Variants in AIG1 observed in about 807,000 individuals in gnomAD.
AIG1 encodes the protein androgen-induced gene 1 protein.
In AIG1, 23 loss-of-function variants were observed where a neutral mutation model predicts 31.4. That is an observed-to-expected ratio of 0.73 (90% CI 0.53 to 1.04). The LOEUF (loss-of-function observed/expected upper bound fraction) is 1.04, where lower values mean the gene tolerates loss of function less well. AIG1 is among the 50% of genes least tolerant of loss of function. The probability of loss-of-function intolerance (pLI) is 0.00; values close to 1 mark genes in which losing one functional copy is unlikely to be tolerated. For synonymous variants in AIG1, 100 were observed against 110.5 expected (o/e 0.90, Z 0.60); for missense variants, 274 against 295.0 (o/e 0.93, Z 0.52).
intron 1 of AIG1, among the ~76,000 whole-genome samples, chr6:143,109,568 G>A (rs942951763): frequency 2.6e-5 from 4 of 151,892 alleles, no homozygotes; most frequent in African/African-American, 7.3e-5. Context: ...TTTAATTTTA[G>A]CTATTCTATT....
intron 2 of AIG1, among the ~76,000 whole-genome samples, chr6:143,149,532 C>CAAAAAAAAAAA (rs71767812): frequency 4.8e-3 from 190 of 39,536 alleles, no homozygotes; most frequent in Non-Finnish European, 7.1e-3. Flanking sequence ...GACTCTGTCT[C>CAAAAAAAAAAA]AAAAAAAAAA....
At chr6:143,190,057 C>A in intron 3 of AIG1, 1 of 567,254 alleles carries the variant, frequency 1.8e-6, no homozygotes, top group Non-Finnish European at 2.2e-6. Context: ...GCCCACCAAT[C>A]CCATTCATTG....
At chr6:143,190,288 GA>G in intron 3 of AIG1, 2 of 985,468 alleles carry the variant, frequency 2.0e-6, no homozygotes, top group Non-Finnish European at 2.4e-6. Context: ...TAGGAGTCGA[GA>G]AACAGAATAA....
chr6:143,111,798 G>A (rs1206655316), intron 1 of AIG1, among the ~76,000 whole-genome samples: 1 of 151,996 alleles, frequency 6.6e-6, no homozygotes, highest in African/African-American at 2.4e-5. Flanking sequence ...TCTCTTTTTT[G>A]TTTCCCCATG....
intron 3 of AIG1, among the ~76,000 whole-genome samples, chr6:143,203,076 T>A (rs1790833367): frequency 6.6e-6 from 1 of 152,174 alleles, no homozygotes; most frequent in African/African-American, 2.4e-5. Flanking sequence ...GATGCCATGA[T>A]ACATATGGGC....
chr6:143,186,837 T>C (rs1054754895), intron 3 of AIG1: 1 of 154,378 alleles, frequency 6.5e-6, no homozygotes, highest in African/African-American at 2.4e-5. Flanking sequence ...TGGAGTTCTC[T>C]GTTCAAATGA....
chr6:143,095,446 A>G (rs1253437098), intron 1 of AIG1, among the ~76,000 whole-genome samples: 1 of 152,206 alleles, frequency 6.6e-6, no homozygotes, highest in East Asian at 1.9e-4. Flanking sequence ...ATCAGCTATC[A>G]TATAAGTAGC....
intron 3 of AIG1, among the ~76,000 whole-genome samples, chr6:143,207,509 A>G (rs188967630): frequency 1.9e-5 from 2 of 107,950 alleles, no homozygotes; most frequent in Middle Eastern, 4.2e-3. Flanking sequence ...ATTTCCCGTA[A>G]CCATTACAAT....
intron 4 of AIG1, among the ~76,000 whole-genome samples, chr6:143,307,183 A>C (rs1799378808): frequency 6.6e-6 from 1 of 152,144 alleles, no homozygotes; most frequent in Admixed American, 6.5e-5. Context: ...GATTGTCTGA[A>C]GCCTTCTTCT....
chr6:143,257,520 TA>T (rs1795455472), intron 3 of AIG1, among the ~76,000 whole-genome samples: 1 of 152,252 alleles, frequency 6.6e-6, no homozygotes, highest in Non-Finnish European at 1.5e-5. Flanking sequence ...TGAACGGTTA[TA>T]GTTAAGCATT....
At chr6:143,094,647 C>T (rs771236166) in intron 1 of AIG1, among the ~76,000 whole-genome samples, 8 of 151,692 alleles carry the variant, frequency 5.3e-5, no homozygotes, top group Non-Finnish European at 1.2e-4. Flanking sequence ...AGAATAGCAC[C>T]CAAGTAAAAA....
At chr6:143,283,897 T>A (rs1797514137) in intron 3 of AIG1, among the ~76,000 whole-genome samples, 1 of 152,160 alleles carries the variant, frequency 6.6e-6, no homozygotes, top group South Asian at 2.1e-4. Context: ...TACAATAAAA[T>A]TTCAAAAATT....
chr6:143,271,418 T>A (rs544073806), intron 3 of AIG1, among the ~76,000 whole-genome samples: 4 of 152,384 alleles, frequency 2.6e-5, no homozygotes, highest in African/African-American at 9.6e-5. Flanking sequence ...TTTGACATTT[T>A]AAATCAGGCT....
At chr6:143,106,191 A>G (rs1372357642) in intron 1 of AIG1, among the ~76,000 whole-genome samples, 4 of 152,196 alleles carry the variant, frequency 2.6e-5, no homozygotes, top group African/African-American at 9.6e-5. Flanking sequence ...ACAGGCATGC[A>G]CACAGGGAGA....
chr6:143,239,816 A>G (rs1025702131), intron 3 of AIG1, among the ~76,000 whole-genome samples: 1 of 152,206 alleles, frequency 6.6e-6, no homozygotes, highest in Non-Finnish European at 1.5e-5. Flanking sequence ...CACATGGACA[A>G]TTAGAACTCA....
At chr6:143,235,953 C>G (rs6570552) in intron 3 of AIG1, among the ~76,000 whole-genome samples, 84,451 of 152,004 alleles carry the variant, frequency 0.56, 25,270 homozygotes, top group East Asian at 0.93. Context: ...GTCTCCCAAG[C>G]TTTGCTTCAA....
intron 1 of AIG1, among the ~76,000 whole-genome samples, chr6:143,132,999 C>T (rs1243236268): frequency 6.6e-6 from 1 of 152,004 alleles, no homozygotes; most frequent in Non-Finnish European, 1.5e-5. Flanking sequence ...ATGCACTTGT[C>T]TACCAATTCC....
chr6:143,142,254 T>G (rs76742073), intron 2 of AIG1, among the ~76,000 whole-genome samples: 2,680 of 152,092 alleles, frequency 0.018, 40 homozygotes, highest in Non-Finnish European at 0.026. Context: ...AAAAATTATT[T>G]TGGAGACAGG....
intron 3 of AIG1, among the ~76,000 whole-genome samples, chr6:143,247,377 G>A (rs549455937): frequency 6.6e-5 from 10 of 152,252 alleles, no homozygotes; most frequent in South Asian, 6.2e-4. Context: ...TAATCCACCC[G>A]CCTCAGCCTC....
Sources: allele counts gnomAD v4.1 joint callset (sites outside exome capture counted in the v4.1 genomes callset), GRCh38; gene constraint gnomAD v4.1.1; transcripts MANE v1.5; gene names NCBI Gene and HGNC (gene_info 2026-07-23, HGNC 2026-07-21).